The following CCDC14 variants were observed in gnomAD, a reference collection of about 807,000 sequenced individuals.
CCDC14 encodes coiled-coil domain-containing protein 14.
CCDC14 carries 71 observed loss-of-function variants against 81.4 expected under a neutral mutation model. That is an observed-to-expected ratio of 0.87 (90% CI 0.72 to 1.06). CCDC14 has a LOEUF of 1.06. CCDC14 is among the 50% of genes least tolerant of loss of function. The pLI is 0.00. For missense variants in CCDC14, 1,046 were observed against 1,047.3 expected, an observed-to-expected ratio of 1.00 and a Z score of 0.02; for synonymous variants, 332 against 364.8, an observed-to-expected ratio of 0.91 and a Z score of 1.03.
rs6765284 is a variant in CCDC14, at chr3:123,938,079, T to C, written c.1344-4324A>G. Among the ~76,000 whole-genome samples the C allele has an allele frequency of 6.3e-3, 951 of 152,004 alleles. 5 individuals are homozygous for C. The highest frequency in any genetic ancestry group is 0.011 in the Non-Finnish European group (756 of 67,810). ...GTTTTGAAATTGAATAGTACCAACT[T>C]GGTTTTCCTTTCTCAATACTGTTTT... On this transcript the variant is annotated intron_variant, in intron 9 of 12. Transcript: ENST00000409697.
intron 7 of CCDC14, among the ~76,000 whole-genome samples, chr3:123,948,353 T>C (rs1409417823): frequency 6.6e-6 from 1 of 152,022 alleles, no homozygotes; most frequent in East Asian, 1.9e-4. Context: ...GTAATTCTCC[T>C]GCCTCAGCCT....
intron 9 of CCDC14, among the ~76,000 whole-genome samples, chr3:123,943,939 A>G (rs2036492448): frequency 6.6e-6 from 1 of 152,172 alleles, no homozygotes; most frequent in Non-Finnish European, 1.5e-5. Flanking sequence ...CCGCTCTAGC[A>G]AATTAACTGA....
chr3:123,925,042 T>C (rs148911994), intron 12 of CCDC14, among the ~76,000 whole-genome samples: 2 of 151,708 alleles, frequency 1.3e-5, no homozygotes, highest in African/African-American at 4.8e-5. Flanking sequence ...AGCCAAGATA[T>C]GGAATAAACC....
At position 123,961,163 on chromosome 3, in the gene CCDC14, G is replaced by A; in HGVS notation, c.11C>T (p.Ser4Phe). ...CCTCACCTGGCCCGGTCGAGCTCCA[G>A]ACCTGACCATCTCTCGCCGCCTCAG... MVR[S>F]GARPGQVLSS... Residue 4 changes from serine to phenylalanine, a missense_variant, in exon 1 of 13, where the codon TCT becomes TTT. By Grantham distance (155) the Ser-to-Phe change is radical. Coordinates refer to ENST00000409697, the MANE Select transcript of CCDC14 (RefSeq NM_001366335.1). 1.3e-6 allele frequency: 2 copies of A among 1,551,612 alleles called. No homozygotes were observed. The highest frequency in any genetic ancestry group is 1.7e-6 in the Non-Finnish European group (2 of 1,146,990).
rs1204599605 is a variant in CCDC14 at position 123,931,497 on chromosome 3, G to T, written c.1456C>A (p.Leu486Met). The part of the protein sequence containing the change: ...LFSLQSLNMS[L>M]QNQLEESLKS... ...AGTGACTCCTCCAATTGATTTTGCAGTGACATATTCAATGACTGAAGAGAA... is the reference window on the plus strand; with the variant it reads ...AGTGACTCCTCCAATTGATTTTGCATTGACATATTCAATGACTGAAGAGAA... Residue 486 changes from leucine (L) to methionine (M), a missense_variant, in exon 11 of 13, where the codon CTG becomes ATG. Leu to Met is a conservative substitution (Grantham distance 15). Coordinates refer to ENST00000409697, the MANE Select transcript of CCDC14 (RefSeq NM_001366335.1). 1 of 1,567,200 alleles carries T rather than the reference G, an allele frequency of 6.4e-7. No homozygotes were observed. Among genetic ancestry groups the T allele is most frequent in the East Asian group, 2.3e-5 (1 of 43,302 alleles).
intron 9 of CCDC14, among the ~76,000 whole-genome samples, chr3:123,937,988 T>G (rs1315034999): frequency 6.6e-6 from 1 of 151,896 alleles, no homozygotes; most frequent in African/African-American, 2.4e-5. Flanking sequence ...GTTTCTAGAC[T>G]CTATTCTGTT....
At position 123,956,720 on chromosome 3, in the gene CCDC14, A is replaced by G. The variant is rs368978622; in HGVS notation, c.86+20T>C. On this transcript the variant is annotated intron_variant, in intron 2 of 12. Coordinates refer to ENST00000409697, the MANE Select transcript of CCDC14 (RefSeq NM_001366335.1). The stretch of plus-strand genomic sequence containing the variant: ...AAAATTCCTTGAAATCTGAAGTTGT[A>G]AACGTCTTCAAGTACTTACGCTTTC... The G allele has an allele frequency of 2.9e-4, 447 of 1,537,902 alleles. No individual in the cohort carries two copies. Among genetic ancestry groups the G allele is most frequent in the Non-Finnish European group, 3.9e-4 (438 of 1,136,758 alleles).
At chr3:123,951,372 T>C (rs1418615150) in intron 5 of CCDC14, among the ~76,000 whole-genome samples, 2 of 152,162 alleles carry the variant, frequency 1.3e-5, no homozygotes, top group African/African-American at 4.8e-5. Context: ...TCTGAGATGA[T>C]TAAAATCAAA....
At chr3:123,931,023 G>T in intron 12 of CCDC14, 79 bp downstream of exon 12, 1 of 1,231,460 alleles carries the variant, frequency 8.1e-7, no homozygotes, top group Non-Finnish European at 1.1e-6. Context: ...GGAGAAAACA[G>T]GTCTAACATT....
Position 123,915,583 on chromosome 3 carries a change from A to C in CCDC14, c.1914T>G (p.Ala638=). The C allele has an allele frequency of 6.2e-7, 1 of 1,614,020 alleles. No homozygotes were observed. Among genetic ancestry groups the C allele is most frequent in the Non-Finnish European group, 8.5e-7 (1 of 1,179,900 alleles). ...TTAGATAGCTCATTATGGAAGTGTGAGCAGGAGCTGGGTCATGTTGAAGTT... is the reference window on the plus strand; with the variant it reads ...TTAGATAGCTCATTATGGAAGTGTGCGCAGGAGCTGGGTCATGTTGAAGTT... ...DKQLQHDPAP[A]HTSIMSYLNK... The change falls in exon 13 of 13, where the codon GCT becomes GCG. Residue 638 remains alanine, a synonymous_variant. Coordinates refer to ENST00000409697, the MANE Select transcript of CCDC14 (RefSeq NM_001366335.1).
At chr3:123,946,558 G>A (rs1407187514) in intron 8 of CCDC14, among the ~76,000 whole-genome samples, 1 of 151,978 alleles carries the variant, frequency 6.6e-6, no homozygotes, top group East Asian at 1.9e-4. Context: ...CTATTATCAA[G>A]CAGAATAAAT....
At chr3:123,924,866 A>C (rs192407965) in intron 12 of CCDC14, among the ~76,000 whole-genome samples, 29 of 152,066 alleles carry the variant, frequency 1.9e-4, no homozygotes, top group Middle Eastern at 6.8e-3. Context: ...AAATGTATAA[A>C]TAGAACTACC....
intron 5 of CCDC14, among the ~76,000 whole-genome samples, chr3:123,906,093 G>A (rs1207388580): frequency 6.6e-6 from 1 of 152,126 alleles, no homozygotes; most frequent in Admixed American, 6.5e-5. Context: ...ACTTTGGGAG[G>A]CCAAGGCGGG....
intron 12 of CCDC14, among the ~76,000 whole-genome samples, chr3:123,925,583 C>G (rs2035316247): frequency 6.6e-6 from 1 of 152,014 alleles, no homozygotes; most frequent in Admixed American, 6.6e-5. Context: ...TTACAGGCAC[C>G]TGCTACCATG....
chr3:123,909,509 G>C (rs886327275), downstream of CCDC14, among the ~76,000 whole-genome samples: 1 of 152,176 alleles, frequency 6.6e-6, no homozygotes, highest in Non-Finnish European at 1.5e-5. Flanking sequence ...CCAAGTGACA[G>C]GTGGGGAAAT....
downstream of CCDC14, among the ~76,000 whole-genome samples, chr3:123,895,442 A>C (rs1169412644): frequency 6.6e-6 from 1 of 152,222 alleles, no homozygotes. Flanking sequence ...ATCTATCCAG[A>C]TCAGCATTGG....
intron 5 of CCDC14, among the ~76,000 whole-genome samples, chr3:123,906,321 C>T (rs1463557401): frequency 1.3e-5 from 2 of 151,038 alleles, no homozygotes; most frequent in African/African-American, 2.4e-5. Flanking sequence ...CAGAGCGAGA[C>T]TCCATCTCCA....
At chr3:123,912,603 G>T (rs1437657998), downstream of CCDC14, among the ~76,000 whole-genome samples, 5 of 151,950 alleles carry the variant, frequency 3.3e-5, no homozygotes, top group African/African-American at 1.2e-4. Flanking sequence ...GATTATGTCT[G>T]AACTACTGCA....
Position 123,915,688 on chromosome 3 carries a change from G to C in CCDC14, c.1809C>G (p.Leu603=), listed in dbSNP as rs747997561. ...RTLQTSMAKL[L]SDLSVDSARC... is the part of the protein sequence containing the mutation. ...GAGCACTGTCCACACTAAGATCGGA[G>C]AGAAGCTTTGCCATGCTAGTCTGTA... The change falls in exon 13 of 13, where the codon CTC becomes CTG. Residue 603 remains leucine, a synonymous_variant. Coordinates refer to ENST00000409697, the MANE Select transcript of CCDC14 (RefSeq NM_001366335.1). 1.2e-6 allele frequency: 2 copies of C among 1,612,878 alleles called. No individual in the cohort carries two copies. The highest frequency in any genetic ancestry group is 8.5e-7 in the Non-Finnish European group (1 of 1,179,472).
Sources: gnomAD v4.1 joint callset for allele counts (sites outside exome capture counted in the v4.1 genomes callset) on GRCh38, gnomAD v4.1.1 for gene constraint, MANE v1.5 for transcripts, NCBI Gene and HGNC (gene_info 2026-07-23, HGNC 2026-07-21) for gene names.